ZDHHC14: variants seen among roughly 807,000 people sequenced by gnomAD.
ZDHHC14 encodes the protein zDHHC palmitoyltransferase 14, also known as palmitoyltransferase ZDHHC14.
In ZDHHC14, 16 loss-of-function variants were observed where a neutral mutation model predicts 47.7. The ratio of observed to expected loss-of-function variants is 0.34; its 90% CI spans 0.23 to 0.51. ZDHHC14 has a LOEUF of 0.51. ZDHHC14 is among the 20% of genes least tolerant of loss of function. The pLI, the probability that ZDHHC14 is intolerant of heterozygous loss-of-function variation, is 0.97. For synonymous variants in ZDHHC14, 293 were observed against 278.9 expected, an observed-to-expected ratio of 1.05 and a Z score of -0.50; for missense variants, 515 against 662.5, an observed-to-expected ratio of 0.78 and a Z score of 2.44.
chr6:157,470,094 T>A (rs959792783), intron 1 of ZDHHC14, among the ~76,000 whole-genome samples: 6 of 152,240 alleles, frequency 3.9e-5, no homozygotes, highest in Non-Finnish European at 7.3e-5. Flanking sequence ...AGCTATCAGG[T>A]ACTCTCTGAT....
chr6:157,648,462 A>T (rs564446672), intron 7 of ZDHHC14, among the ~76,000 whole-genome samples: 94 of 152,304 alleles, frequency 6.2e-4, no homozygotes, highest in Non-Finnish European at 1.1e-3. Flanking sequence ...CCAAGCATAT[A>T]TTCCAAGGCC....
chr6:157,597,776 G>C (rs1414748495), intron 3 of ZDHHC14, among the ~76,000 whole-genome samples: 1 of 152,248 alleles, frequency 6.6e-6, no homozygotes, highest in Non-Finnish European at 1.5e-5. Context: ...AGCCCCTGGG[G>C]GGCACCGAGC....
At chr6:157,670,664 C>T (rs1461146285) in intron 8 of ZDHHC14, among the ~76,000 whole-genome samples, 2 of 152,166 alleles carry the variant, frequency 1.3e-5, no homozygotes, top group African/African-American at 4.8e-5. Context: ...CTCCCCCGCA[C>T]TTTGGCACCT....
intron 1 of ZDHHC14, among the ~76,000 whole-genome samples, chr6:157,433,390 G>T (rs1432532448): frequency 6.6e-6 from 1 of 152,162 alleles, no homozygotes; most frequent in Non-Finnish European, 1.5e-5. Context: ...CTTTCCGTTT[G>T]CCTAAAGGTG....
rs1778983665 is a variant in ZDHHC14 at position 157,677,239 on chromosome 6, T to TA, written c.*4117_*4118insA. ...TATGCTATTTTCCAAGGTACCTCAT[T>TA]TAAAAAAAAAAAAAAAAAAAAACTG... is the stretch of plus-strand genomic sequence containing the variant. On this transcript the variant is annotated 3_prime_UTR_variant, in exon 9 of 9. Transcript: ENST00000359775. 1 of 132,768 alleles carries TA rather than the reference T, an allele frequency of 7.5e-6. No homozygotes were observed. The highest frequency in any genetic ancestry group is 2.8e-5 in the African/African-American group (1 of 35,722). 8.2% of individuals were successfully genotyped at this position (132,768 alleles called of 1,614,324 possible).
chr6:157,665,296 G>T (rs1778506311), intron 8 of ZDHHC14, among the ~76,000 whole-genome samples: 1 of 152,312 alleles, frequency 6.6e-6, no homozygotes, highest in South Asian at 2.1e-4. Flanking sequence ...GTTGCCATAT[G>T]TTCCAGACAT....
chr6:157,525,482 C>T (rs1781122847), intron 1 of ZDHHC14, among the ~76,000 whole-genome samples: 1 of 152,086 alleles, frequency 6.6e-6, no homozygotes, highest in Non-Finnish European at 1.5e-5. Context: ...GGGCTGTTTA[C>T]AGCATGGCAG....
intron 1 of ZDHHC14, among the ~76,000 whole-genome samples, chr6:157,406,384 G>A (rs1777763803): frequency 6.6e-6 from 1 of 152,250 alleles, no homozygotes; most frequent in Admixed American, 6.5e-5. Context: ...TTGAGGTTAT[G>A]ATGTTGATAG....
At chr6:157,504,915 A>AT (rs1411753091) in intron 1 of ZDHHC14, among the ~76,000 whole-genome samples, 2 of 152,020 alleles carry the variant, frequency 1.3e-5, no homozygotes, top group African/African-American at 4.8e-5. Flanking sequence ...GGTTCAAGCG[A>AT]TTCTGCTGCC....
chr6:157,394,146 C>T (rs1562407915), intron 1 of ZDHHC14, among the ~76,000 whole-genome samples: 2 of 152,214 alleles, frequency 1.3e-5, no homozygotes, highest in Admixed American at 6.5e-5. Context: ...GGAACATTCT[C>T]ACTTCCACCC....
intron 1 of ZDHHC14, among the ~76,000 whole-genome samples, chr6:157,521,118 C>T (rs1046192723): frequency 2.0e-5 from 3 of 152,100 alleles, no homozygotes; most frequent in African/African-American, 7.2e-5. Context: ...TATTGAAAGC[C>T]GGCCTGGAGT....
At chr6:157,565,538 G>A (rs1024781231) in intron 2 of ZDHHC14, among the ~76,000 whole-genome samples, 3 of 152,278 alleles carry the variant, frequency 2.0e-5, no homozygotes, top group African/African-American at 7.2e-5. Context: ...TTGGGTACAG[G>A]CCAGATGCAG....
chr6:157,651,910 C>T (rs983528819), intron 7 of ZDHHC14, among the ~76,000 whole-genome samples: 1 of 152,304 alleles, frequency 6.6e-6, no homozygotes, highest in South Asian at 2.1e-4. Flanking sequence ...CCCATGAGAT[C>T]CACACCTGGA....
At chr6:157,442,677 G>A (rs559592816) in intron 1 of ZDHHC14, among the ~76,000 whole-genome samples, 3 of 152,182 alleles carry the variant, frequency 2.0e-5, no homozygotes, top group Non-Finnish European at 4.4e-5. Flanking sequence ...AGGGCACGAG[G>A]TTACGTGCTG....
intron 1 of ZDHHC14, among the ~76,000 whole-genome samples, chr6:157,464,283 A>G (rs1326696287): frequency 6.6e-6 from 1 of 152,224 alleles, no homozygotes; most frequent in Non-Finnish European, 1.5e-5. Flanking sequence ...TTTAATACAC[A>G]TACTTTGATA....
At chr6:157,436,410 T>C (rs946264577) in intron 1 of ZDHHC14, among the ~76,000 whole-genome samples, 1 of 152,110 alleles carries the variant, frequency 6.6e-6, no homozygotes, top group African/African-American at 2.4e-5. Flanking sequence ...TGGGAGAGCA[T>C]GACTTTCCTG....
intron 1 of ZDHHC14, among the ~76,000 whole-genome samples, chr6:157,447,426 C>A (rs1390659314): frequency 1.3e-5 from 2 of 152,220 alleles, no homozygotes; most frequent in African/African-American, 2.4e-5. Flanking sequence ...TGCACAGGCT[C>A]TTCCTTGGGT....
At position 157,593,041 on chromosome 6, in the gene ZDHHC14, G is replaced by C; in HGVS notation, c.460G>C (p.Glu154Gln). The change falls in exon 3 of 9, where the codon GAA (glutamate) becomes CAA (glutamine). Residue 154 changes from glutamate to glutamine, a missense_variant. This residue lies in a region of ZDHHC14 where 229 missense variants were observed against 351.5 expected (regional missense o/e 0.65). Coordinates refer to ENST00000359775, the MANE Select transcript of ZDHHC14 (RefSeq NM_024630.3). ...GTACCGCCCGCCTCCCAGAACCAAA[G>C]AAGTCATCATCAATGGCCAGACCGT... is the stretch of plus-strand genomic sequence containing the variant. The part of the protein sequence containing the change: ...GGYRPPPRTK[E>Q]VIINGQTVKL... 1.9e-6 allele frequency: 3 copies of C among 1,614,184 alleles called. No homozygotes were observed. The highest frequency in any genetic ancestry group is 2.5e-6 in the Non-Finnish European group (3 of 1,180,028).
At chr6:157,492,810 G>A (rs375937731) in intron 1 of ZDHHC14, among the ~76,000 whole-genome samples, 351 of 152,290 alleles carry the variant, frequency 2.3e-3, no homozygotes, top group Non-Finnish European at 3.7e-3. Context: ...AGAGACAGGC[G>A]TGAGTGGGGA....
Sources: gnomAD v4.1 joint callset for allele counts (sites outside exome capture counted in the v4.1 genomes callset) on GRCh38, gnomAD v4.1.1 for gene constraint, gnomAD v4.1.1 regional missense constraint, MANE v1.5 for transcripts, NCBI Gene and HGNC (gene_info 2026-07-23, HGNC 2026-07-21) for gene names.